NPTN: variants seen among roughly 807,000 people sequenced by gnomAD.
NPTN encodes the protein SDR-1.
In NPTN, 5 loss-of-function variants were observed where a neutral mutation model predicts 42.7. The ratio of observed to expected loss-of-function variants is 0.12; its 90% CI spans 0.06 to 0.25. The LOEUF (loss-of-function observed/expected upper bound fraction) is 0.25, where lower values mean the gene tolerates loss of function less well. NPTN is among the 10% of genes least tolerant of loss of function. The probability of loss-of-function intolerance (pLI) is 1.00; values close to 1 mark genes in which losing one functional copy is unlikely to be tolerated. For synonymous variants in NPTN, 180 were observed against 201.9 expected, an observed-to-expected ratio of 0.89 and a Z score of 0.92; for missense variants, 307 against 525.4, an observed-to-expected ratio of 0.58 and a Z score of 4.06.
intron 4 of NPTN, among the ~76,000 whole-genome samples, chr15:73,580,610 A>C (rs1895989572): frequency 1.4e-5 from 2 of 144,474 alleles, no homozygotes. Context: ...ATATGTATAT[A>C]CATGTTATAT....
intron 1 of NPTN, among the ~76,000 whole-genome samples, chr15:73,598,169 T>A (rs1461923484): frequency 6.6e-6 from 1 of 152,166 alleles, no homozygotes; most frequent in Non-Finnish European, 1.5e-5. Context: ...GCAACCCAAC[T>A]CACTGCCAGC....
Position 73,570,805 on chromosome 15 carries a change from G to A in NPTN, c.841-382C>T, listed in dbSNP as rs572143119. Among the ~76,000 whole-genome samples, 8 of 152,266 alleles carry A rather than the reference G, an allele frequency of 5.3e-5. No individual in the cohort carries two copies. The highest frequency in any genetic ancestry group is 1.9e-4 in the African/African-American group (8 of 41,544). On this transcript the variant is annotated intron_variant, in intron 5 of 8. Coordinates refer to ENST00000345330, the MANE Select transcript of NPTN (RefSeq NM_012428.4). This position sits in a 1 kb window ranked among gnomAD's most constrained non-coding sequence, Gnocchi z 4.0. ...AGTCAGGCATGCCTCGGGGACCTCA[G>A]GCCTCTCTGATGACCTCAGAGTCAG... is the stretch of plus-strand genomic sequence containing the variant.
chr15:73,607,861 G>A (rs1333752913), intron 1 of NPTN, among the ~76,000 whole-genome samples: 1 of 152,164 alleles, frequency 6.6e-6, no homozygotes, highest in Non-Finnish European at 1.5e-5. Flanking sequence ...GCACTTACAA[G>A]TTCTCAGGTG....
At chr15:73,586,938 T>C (rs1013493335) in intron 4 of NPTN, among the ~76,000 whole-genome samples, 2 of 152,232 alleles carry the variant, frequency 1.3e-5, no homozygotes, top group Non-Finnish European at 2.9e-5. Flanking sequence ...ATTTATGATG[T>C]TGGGTAGCTC....
At chr15:73,584,214 G>C (rs1332059947) in intron 4 of NPTN, among the ~76,000 whole-genome samples, 1 of 152,092 alleles carries the variant, frequency 6.6e-6, no homozygotes, top group African/African-American at 2.4e-5. Flanking sequence ...GCAAAGGATT[G>C]GATGACCAAC....
At chr15:73,563,684 G>T in intron 6 of NPTN, 2 of 320,170 alleles carry the variant, frequency 6.2e-6, no homozygotes, top group Non-Finnish European at 9.0e-6. Flanking sequence ...CCTGCAATGT[G>T]AATGGATGTG....
At chr15:73,596,916 TG>T in intron 2 of NPTN, 105 bp downstream of exon 2, 1 of 795,700 alleles carries the variant, frequency 1.3e-6, no homozygotes, top group Non-Finnish European at 1.9e-6. Flanking sequence ...AGACAAGGGG[TG>T]GGGTGAGTGA....
At chr15:73,565,063 C>G (rs569453853) in intron 6 of NPTN, among the ~76,000 whole-genome samples, 2 of 152,188 alleles carry the variant, frequency 1.3e-5, no homozygotes, top group African/African-American at 4.8e-5. Context: ...TGTCACTTTC[C>G]AGCCCAACAA....
intron 1 of NPTN, among the ~76,000 whole-genome samples, chr15:73,609,601 A>G (rs1190604630): frequency 2.6e-5 from 4 of 152,356 alleles, no homozygotes; most frequent in East Asian, 3.9e-4. Flanking sequence ...ATTGTACTCC[A>G]GCCTGGGTGA....
chr15:73,618,623 C>T (rs1566989089), intron 1 of NPTN, among the ~76,000 whole-genome samples: 1 of 152,102 alleles, frequency 6.6e-6, no homozygotes, highest in African/African-American at 2.4e-5. Flanking sequence ...AGCCTGTAAT[C>T]CCAACACTTT....
intron 6 of NPTN, 164 bp from the exon 7 acceptor site, chr15:73,563,421 C>T (rs1894806559): frequency 7.1e-7 from 1 of 1,409,512 alleles, no homozygotes; most frequent in Admixed American, 3.1e-5. Context: ...GCAAAACACT[C>T]ATGGAGTTAT....
chr15:73,612,439 GAAGAA>G (rs1897636591), intron 1 of NPTN, among the ~76,000 whole-genome samples: 1 of 146,318 alleles, frequency 6.8e-6, no homozygotes, highest in South Asian at 2.2e-4. Context: ...AAAAAAAAAG[GAAGAA>G]AAGAAAACAT....
At position 73,633,358 on chromosome 15, in the gene NPTN, TC is replaced by T. The variant is rs1380157184; in HGVS notation, c.-144del. Reference sequence around the variant, plus strand: ...CGCGGCTCGGCTCCGTCCTTCCCCGTCCTCCTCCTGCCGCCGCAGCGCCCAG... The same window carrying T: ...CGCGGCTCGGCTCCGTCCTTCCCCGTCTCCTCCTGCCGCCGCAGCGCCCAG... On this transcript the variant is annotated 5_prime_UTR_variant, in exon 1 of 9. Coordinates refer to ENST00000345330, the MANE Select transcript of NPTN (RefSeq NM_012428.4). 2 of 552,620 alleles carry T rather than the reference TC, an allele frequency of 3.6e-6. No homozygotes were observed. The highest frequency in any genetic ancestry group is 5.8e-6 in the Non-Finnish European group (2 of 342,656). 34.2% of individuals were successfully genotyped at this position (552,620 alleles called of 1,614,324 possible).
Position 73,569,511 on chromosome 15 carries a change from G to A in NPTN, c.1114+639C>T. 1.0e-6 allele frequency: 1 copy of A among 985,406 alleles called. No homozygotes were observed. The highest frequency in any genetic ancestry group is 1.2e-6 in the Non-Finnish European group (1 of 829,918). The allele number at this position is 985,406 out of a possible 1,614,324, so 61.0% of individuals were successfully genotyped here. A position where few individuals can be genotyped will look rare whatever the true frequency, so the allele number is the denominator to read the frequency against. Reference sequence around the variant, plus strand: ...TGCTATCTCTGTCTTACACTAGATGGGTGGATACATCAGACTCTCCTTTGT... The same window carrying A: ...TGCTATCTCTGTCTTACACTAGATGAGTGGATACATCAGACTCTCCTTTGT... On this transcript the variant is annotated intron_variant, in intron 6 of 8. Coordinates refer to ENST00000345330, the MANE Select transcript of NPTN (RefSeq NM_012428.4). The surrounding 1 kb of genome is among the most constrained non-coding windows in gnomAD (Gnocchi z 4.1).
intron 1 of NPTN, among the ~76,000 whole-genome samples, chr15:73,620,668 A>G (rs1898088655): frequency 6.6e-6 from 1 of 152,246 alleles, no homozygotes; most frequent in Non-Finnish European, 1.5e-5. Context: ...CATGATTTTA[A>G]TCATCACTTA....
At chr15:73,612,726 G>A (rs971392594) in intron 1 of NPTN, among the ~76,000 whole-genome samples, 1 of 151,956 alleles carries the variant, frequency 6.6e-6, no homozygotes, top group African/African-American at 2.4e-5. Context: ...GCAGAGATGC[G>A]CCACTGCACT....
At chr15:73,562,702 T>C (rs7169976) in intron 7 of NPTN, among the ~76,000 whole-genome samples, 25,824 of 152,154 alleles carry the variant, frequency 0.17, 3,470 homozygotes, top group African/African-American at 0.37. Context: ...ATCCAGGCTA[T>C]AGTTCAGCCT....
chr15:73,604,941 T>A (rs1897226902), intron 1 of NPTN, among the ~76,000 whole-genome samples: 1 of 151,980 alleles, frequency 6.6e-6, no homozygotes, highest in Non-Finnish European at 1.5e-5. Flanking sequence ...ATCCTGTCTC[T>A]ACCAAAAATA....
At chr15:73,610,814 A>C (rs1897541662) in intron 1 of NPTN, among the ~76,000 whole-genome samples, 1 of 152,204 alleles carries the variant, frequency 6.6e-6, no homozygotes, top group Non-Finnish European at 1.5e-5. Context: ...ATTTTGGAAA[A>C]TAAGGATATG....
Sources: allele counts gnomAD v4.1 joint callset (sites outside exome capture counted in the v4.1 genomes callset), GRCh38; gene constraint gnomAD v4.1.1; non-coding constraint Gnocchi (gnomAD v3.1); transcripts MANE v1.5; gene names NCBI Gene and HGNC (gene_info 2026-07-23, HGNC 2026-07-21).